The following CNTLN variants were observed in gnomAD, a reference collection of about 807,000 sequenced individuals.
The protein encoded by CNTLN is centlein, centrosomal protein.
In CNTLN, 212 loss-of-function variants were observed where a neutral mutation model predicts 180.0. The observed-to-expected ratio is 1.18, with a 90% CI of 1.05 to 1.32. The LOEUF (loss-of-function observed/expected upper bound fraction) is 1.32. CNTLN is among the 40% of genes most tolerant of loss of function. CNTLN has a pLI of 0.00. For synonymous variants in CNTLN, 722 were observed against 563.1 expected (o/e 1.28, Z -3.99); for missense variants, 2,095 against 1,610.9 (o/e 1.30, Z -5.14).
intron 18 of CNTLN, among the ~76,000 whole-genome samples, chr9:17,420,486 C>G (rs1424175733): frequency 6.6e-6 from 1 of 151,746 alleles, no homozygotes; most frequent in African/African-American, 2.4e-5. Flanking sequence ...TTTTGTTTTA[C>G]TTTTTGAGAA....
intron 18 of CNTLN, among the ~76,000 whole-genome samples, chr9:17,426,004 T>A (rs1432537479): frequency 6.6e-6 from 1 of 152,162 alleles, no homozygotes; most frequent in Non-Finnish European, 1.5e-5. Context: ...AAGAGAACAT[T>A]AAGAGTGTGG....
chr9:17,272,786 T>G (rs763301236), intron 5 of CNTLN, among the ~76,000 whole-genome samples: 6 of 152,124 alleles, frequency 3.9e-5, no homozygotes, highest in Non-Finnish European at 8.8e-5. Context: ...CTGCTAAGCA[T>G]AAAAATACAT....
intron 24 of CNTLN, among the ~76,000 whole-genome samples, chr9:17,485,918 C>A (rs1016165396): frequency 6.6e-6 from 1 of 152,042 alleles, no homozygotes; most frequent in Non-Finnish European, 1.5e-5. Context: ...CTTGATAGCC[C>A]CAAAGACTAG....
At chr9:17,479,238 G>C (rs998247871) in intron 23 of CNTLN, among the ~76,000 whole-genome samples, 5 of 152,162 alleles carry the variant, frequency 3.3e-5, no homozygotes, top group Admixed American at 3.3e-4. Flanking sequence ...TGGATGTTAG[G>C]ACTCCTGTGT....
chr9:17,354,364 G>A (rs561018924), intron 12 of CNTLN, among the ~76,000 whole-genome samples: 198 of 152,326 alleles, frequency 1.3e-3, no homozygotes, highest in Admixed American at 2.3e-3. Context: ...CTGCAGCCCC[G>A]GTGCGGGATC....
Position 17,135,059 on chromosome 9 carries a change from C to A in CNTLN, c.-7C>A, listed in dbSNP as rs1320255540. On this transcript the variant is annotated 5_prime_UTR_variant, in exon 1 of 26. Transcript: ENST00000380647. Reference sequence around the variant, plus strand: ...ACAGGGAACTTGACCCGTTAGCAGCCGCAGCCATGGCGGCGCGTTCGCCTC... The same window carrying A: ...ACAGGGAACTTGACCCGTTAGCAGCAGCAGCCATGGCGGCGCGTTCGCCTC... 2 of 1,593,188 alleles carry A rather than the reference C, an allele frequency of 1.3e-6. No homozygotes were observed. The highest frequency in any genetic ancestry group is 1.7e-6 in the Non-Finnish European group (2 of 1,175,018).
At chr9:17,289,087 C>G (rs1317197036) in intron 6 of CNTLN, among the ~76,000 whole-genome samples, 4 of 124,926 alleles carry the variant, frequency 3.2e-5, no homozygotes, top group Non-Finnish European at 4.9e-5. Context: ...TTAGTTGATG[C>G]AGTTTCTTCC....
intron 2 of CNTLN, among the ~76,000 whole-genome samples, chr9:17,224,219 T>A (rs1824323556): frequency 6.6e-6 from 1 of 152,074 alleles, no homozygotes; most frequent in Non-Finnish European, 1.5e-5. Context: ...ATTATCTATG[T>A]ACTGAAATGT....
At chr9:17,309,767 T>G (rs1818995925) in intron 8 of CNTLN, among the ~76,000 whole-genome samples, 1 of 152,086 alleles carries the variant, frequency 6.6e-6, no homozygotes, top group Non-Finnish European at 1.5e-5. Flanking sequence ...TAGGATCTGG[T>G]TGCAGAGCTT....
chr9:17,144,997 G>A (rs1254953523), intron 2 of CNTLN, among the ~76,000 whole-genome samples: 8 of 150,486 alleles, frequency 5.3e-5, no homozygotes, highest in South Asian at 4.2e-4. Context: ...GCCCGCCACC[G>A]CGCCCGGCTA....
chr9:17,437,162 C>T (rs1829827067), intron 18 of CNTLN, among the ~76,000 whole-genome samples: 1 of 152,164 alleles, frequency 6.6e-6, no homozygotes, highest in Non-Finnish European at 1.5e-5. Flanking sequence ...GCTGAGAATC[C>T]ATGTGGAATT....
At chr9:17,430,630 C>T (rs1207951645) in intron 18 of CNTLN, among the ~76,000 whole-genome samples, 1 of 152,046 alleles carries the variant, frequency 6.6e-6, no homozygotes, top group Admixed American at 6.6e-5. Context: ...TACTGTACTA[C>T]TGAACACTAG....
chr9:17,438,619 G>A (rs77597573), intron 18 of CNTLN, among the ~76,000 whole-genome samples: 3,006 of 152,172 alleles, frequency 0.02, 101 homozygotes, highest in African/African-American at 0.069. Flanking sequence ...AAATCCTTAG[G>A]ATCTAAAATC....
At chr9:17,521,055 C>A in the CNTLN span, among the ~76,000 whole-genome samples, 1 of 152,008 alleles carries the variant, frequency 6.6e-6, no homozygotes, top group African/African-American at 2.4e-5. Flanking sequence ...AATAAATGAG[C>A]ATTTAAACTG....
intron 18 of CNTLN, among the ~76,000 whole-genome samples, chr9:17,439,839 C>A (rs886306096): frequency 6.6e-6 from 1 of 152,200 alleles, no homozygotes; most frequent in Non-Finnish European, 1.5e-5. Flanking sequence ...CTGCTCTCTG[C>A]CATATGGCAA....
intron 5 of CNTLN, among the ~76,000 whole-genome samples, chr9:17,260,253 C>G (rs904832322): frequency 2.0e-5 from 3 of 149,818 alleles, no homozygotes; most frequent in Admixed American, 6.6e-5. Flanking sequence ...CATTCAGGAG[C>G]AGGTTGTTCA....
rs747537265 is a variant in CNTLN, at chr9:17,298,335, A to C, written c.1129A>C (p.Ser377Arg). 2 of 1,610,856 alleles carry C rather than the reference A, an allele frequency of 1.2e-6. No homozygotes were observed. The highest frequency in any genetic ancestry group is 1.7e-6 in the Non-Finnish European group (2 of 1,179,066). The part of the protein sequence containing the change: ...RNQEDVHTAE[S>R]ISYQKLYNEL... ...TCAGGAAGATGTTCACACAGCTGAA[A>C]GTATATCATATCAAAAAGTATGCTT... is the stretch of plus-strand genomic sequence containing the variant. Residue 377 changes from serine (S) to arginine (R), a missense_variant, in exon 7 of 26, where the codon AGT (serine) becomes CGT (arginine). Ser to Arg is a moderately radical substitution (Grantham distance 110). Coordinates refer to ENST00000380647, the MANE Select transcript of CNTLN (RefSeq NM_017738.4).
intron 3 of CNTLN, among the ~76,000 whole-genome samples, chr9:17,228,157 G>C (rs1313774973): frequency 6.6e-6 from 1 of 152,056 alleles, no homozygotes; most frequent in African/African-American, 2.4e-5. Flanking sequence ...CAATGCTTTA[G>C]TGAATGCTCT....
At chr9:17,158,990 A>G (rs191201777) in intron 2 of CNTLN, among the ~76,000 whole-genome samples, 150 of 152,004 alleles carry the variant, frequency 9.9e-4, no homozygotes, top group Non-Finnish European at 1.6e-3. Context: ...ATATCCTTCC[A>G]TCTTAGCACT....
Sources: allele counts gnomAD v4.1 joint callset (sites outside exome capture counted in the v4.1 genomes callset), GRCh38; gene constraint gnomAD v4.1.1; transcripts MANE v1.5; gene names NCBI Gene and HGNC (gene_info 2026-07-23, HGNC 2026-07-21).